Variants in NKAIN2 observed in about 807,000 individuals in gnomAD.
NKAIN2 encodes the protein sodium/potassium-transporting ATPase subunit beta-1-interacting protein 2.
Under a neutral mutation model 32.6 loss-of-function variants are expected in NKAIN2, and 14 were observed. The ratio of observed to expected loss-of-function variants is 0.43; its 90% CI spans 0.28 to 0.67. NKAIN2 has a LOEUF of 0.67. Ranked by LOEUF, NKAIN2 falls within the 30% of genes least tolerant of loss-of-function variation. NKAIN2 has a pLI of 0.17. For missense variants in NKAIN2, 198 were observed against 258.3 expected (o/e 0.77, Z 1.60); for synonymous variants, 80 against 87.2 (o/e 0.92, Z 0.46).
rs1783818468 is a variant in NKAIN2 at position 124,078,789 on chromosome 6, TGTG to T, written c.55-204215_55-204213del. Among the ~76,000 whole-genome samples the T allele has an allele frequency of 1.0e-4, 4 of 39,178 alleles. No homozygotes were observed. The South Asian group carries it at 4.5e-3, about 44-fold the overall frequency. The allele number at this position is 39,178 out of a possible 152,430, so 25.7% of individuals were successfully genotyped here. On this transcript the variant is annotated intron_variant, in intron 1 of 6. Coordinates refer to ENST00000368417, the MANE Select transcript of NKAIN2 (RefSeq NM_001040214.3). The stretch of plus-strand genomic sequence containing the variant: ...GCCAAAAATGGCTATGTCGTTTTTG[TGTG>T]TGTGTGTGTGTGTGTGTGTGTGTGT...
chr6:123,901,251 A>C (rs1235317170), intron 1 of NKAIN2, among the ~76,000 whole-genome samples: 2 of 152,062 alleles, frequency 1.3e-5, no homozygotes, highest in Non-Finnish European at 2.9e-5. Flanking sequence ...GTTTTTTAGA[A>C]AGCAGCCAGT....
At chr6:124,485,079 C>T (rs1397442521) in intron 3 of NKAIN2, among the ~76,000 whole-genome samples, 1 of 152,142 alleles carries the variant, frequency 6.6e-6, no homozygotes, top group East Asian at 1.9e-4. Flanking sequence ...CTTGAGCTGG[C>T]CATTAAAAAA....
intron 4 of NKAIN2, among the ~76,000 whole-genome samples, chr6:124,711,905 G>A (rs1470574412): frequency 1.2e-4 from 19 of 152,186 alleles, no homozygotes; most frequent in South Asian, 6.2e-4. Flanking sequence ...CTGCGTTTTA[G>A]AGTTTCCAGT....
intron 1 of NKAIN2, among the ~76,000 whole-genome samples, chr6:124,198,828 C>T (rs1206345671): frequency 6.6e-6 from 1 of 152,072 alleles, no homozygotes. Context: ...TAGGGACTCA[C>T]GCTTCTTTGT....
At chr6:124,318,355 G>A (rs1468015382) in intron 2 of NKAIN2, among the ~76,000 whole-genome samples, 2 of 151,478 alleles carry the variant, frequency 1.3e-5, no homozygotes, top group Non-Finnish European at 2.9e-5. Context: ...GGAGTTTTAT[G>A]TCTGTTGGTG....
intron 2 of NKAIN2, among the ~76,000 whole-genome samples, chr6:124,349,256 C>T (rs1177954507): frequency 5.3e-5 from 8 of 151,914 alleles, no homozygotes; most frequent in Admixed American, 3.9e-4. Context: ...AGATTGAATC[C>T]CAGGTTACCA....
intron 2 of NKAIN2, among the ~76,000 whole-genome samples, chr6:124,309,591 C>T (rs1165412300): frequency 6.6e-6 from 1 of 152,038 alleles, no homozygotes; most frequent in Non-Finnish European, 1.5e-5. Flanking sequence ...TTATTACTTG[C>T]AATGTATGTC....
chr6:124,467,042 A>G (rs1368024274), intron 3 of NKAIN2, among the ~76,000 whole-genome samples: 1 of 152,138 alleles, frequency 6.6e-6, no homozygotes, highest in African/African-American at 2.4e-5. Context: ...GGCTGCTTGT[A>G]TGATAATAAA....
intron 4 of NKAIN2, among the ~76,000 whole-genome samples, chr6:124,714,972 C>A (rs1368312832): frequency 1.3e-5 from 2 of 152,090 alleles, no homozygotes; most frequent in African/African-American, 4.8e-5. Flanking sequence ...TGCCAGCTGT[C>A]CCAGAAACCA....
chr6:124,471,404 T>A (rs1776968040), intron 3 of NKAIN2, among the ~76,000 whole-genome samples: 1 of 152,114 alleles, frequency 6.6e-6, no homozygotes, highest in Non-Finnish European at 1.5e-5. Flanking sequence ...AGTCAACCAT[T>A]CTTACCATTT....
At chr6:124,051,820 A>T (rs1782416246) in intron 1 of NKAIN2, among the ~76,000 whole-genome samples, 1 of 152,058 alleles carries the variant, frequency 6.6e-6, no homozygotes, top group Non-Finnish European at 1.5e-5. Flanking sequence ...GGTACCCAAT[A>T]AAAGGCCAAA....
At chr6:124,647,827 ATCAG>A (rs1320391182) in intron 3 of NKAIN2, among the ~76,000 whole-genome samples, 1 of 152,226 alleles carries the variant, frequency 6.6e-6, no homozygotes, top group Non-Finnish European at 1.5e-5. Context: ...CATCCAAAAT[ATCAG>A]TCAATTAATA....
At chr6:123,870,022 G>C (rs1377449913) in intron 1 of NKAIN2, among the ~76,000 whole-genome samples, 1 of 152,140 alleles carries the variant, frequency 6.6e-6, no homozygotes, top group Non-Finnish European at 1.5e-5. Context: ...CTAGAGTTGG[G>C]AATGTAACAT....
chr6:124,321,684 A>T (rs1362576398), intron 2 of NKAIN2, among the ~76,000 whole-genome samples: 1 of 152,098 alleles, frequency 6.6e-6, no homozygotes, highest in Admixed American at 6.6e-5. Context: ...CTTTCATACT[A>T]TAAAAGAATA....
At chr6:124,071,972 G>A (rs1160956364) in intron 1 of NKAIN2, among the ~76,000 whole-genome samples, 1 of 151,990 alleles carries the variant, frequency 6.6e-6, no homozygotes, top group Non-Finnish European at 1.5e-5. Context: ...TACCATTATT[G>A]GATATATATC....
chr6:124,127,020 T>A (rs1321430310), intron 1 of NKAIN2, among the ~76,000 whole-genome samples: 1 of 152,114 alleles, frequency 6.6e-6, no homozygotes, highest in Non-Finnish European at 1.5e-5. Flanking sequence ...CTATGAAGGA[T>A]GATATGATAT....
chr6:124,446,935 G>T (rs1186742172), intron 3 of NKAIN2, among the ~76,000 whole-genome samples: 1 of 152,094 alleles, frequency 6.6e-6, no homozygotes, highest in Non-Finnish European at 1.5e-5. Context: ...TGGGTGAACA[G>T]CACGGATGCT....
intron 3 of NKAIN2, among the ~76,000 whole-genome samples, chr6:124,558,466 CTCTT>C (rs1419508864): frequency 6.6e-6 from 1 of 152,138 alleles, no homozygotes; most frequent in Non-Finnish European, 1.5e-5. Flanking sequence ...TTCTAAGTCT[CTCTT>C]TCTATAAAAC....
At chr6:124,208,285 C>T (rs1790996164) in intron 1 of NKAIN2, among the ~76,000 whole-genome samples, 1 of 151,494 alleles carries the variant, frequency 6.6e-6, no homozygotes, top group Non-Finnish European at 1.5e-5. Flanking sequence ...TAGTATAGCC[C>T]CTGGATTGTC....
Sources: gnomAD v4.1 joint callset for allele counts (sites outside exome capture counted in the v4.1 genomes callset) on GRCh38, gnomAD v4.1.1 for gene constraint, MANE v1.5 for transcripts, NCBI Gene and HGNC (gene_info 2026-07-23, HGNC 2026-07-21) for gene names.